The following CAP2 variants were observed in gnomAD, a reference collection of about 807,000 sequenced individuals.
The protein encoded by CAP2 is cyclase associated actin cytoskeleton regulatory protein 2, also known as adenylyl cyclase-associated protein 2.
In CAP2, 24 loss-of-function variants were observed where a neutral mutation model predicts 57.7. The ratio of observed to expected loss-of-function variants is 0.42; its 90% CI spans 0.30 to 0.58. The LOEUF is 0.58. CAP2 is among the 20% of genes least tolerant of loss of function. The pLI is 0.22. For synonymous variants in CAP2, 194 were observed against 207.2 expected (o/e 0.94, Z 0.55); for missense variants, 501 against 590.3 (o/e 0.85, Z 1.57).
intron 4 of CAP2, among the ~76,000 whole-genome samples, chr6:17,479,737 G>A (rs983417768): frequency 6.7e-6 from 1 of 148,262 alleles, no homozygotes; most frequent in African/African-American, 2.5e-5. Flanking sequence ...TCAGCCTCCC[G>A]AGTAGCTGGG....
intron 3 of CAP2, among the ~76,000 whole-genome samples, chr6:17,453,830 T>G (rs1760475432): frequency 6.6e-6 from 1 of 152,138 alleles, no homozygotes; most frequent in Non-Finnish European, 1.5e-5. Context: ...GATTGCTTTT[T>G]TGGAGAGGCG....
chr6:17,412,378 A>G (rs970686551), intron 1 of CAP2, among the ~76,000 whole-genome samples: 2 of 152,184 alleles, frequency 1.3e-5, no homozygotes, highest in African/African-American at 4.8e-5. Flanking sequence ...CTGAATGAGG[A>G]AGAAGGAATG....
At chr6:17,474,963 G>C (rs544589118) in intron 4 of CAP2, among the ~76,000 whole-genome samples, 1 of 152,074 alleles carries the variant, frequency 6.6e-6, no homozygotes, top group Non-Finnish European at 1.5e-5. Context: ...TTGGGAGGCC[G>C]AGGCGGGCGG....
intron 3 of CAP2, among the ~76,000 whole-genome samples, chr6:17,451,569 G>A (rs143554021): frequency 0.016 from 2,489 of 152,064 alleles, 23 homozygotes; most frequent in Middle Eastern, 0.037. Flanking sequence ...GAGTGCAGTG[G>A]TGTGATCTCT....
At chr6:17,542,229 C>A (rs1301969916) in intron 9 of CAP2, among the ~76,000 whole-genome samples, 6 of 152,216 alleles carry the variant, frequency 3.9e-5, no homozygotes, top group Non-Finnish European at 1.5e-5. Flanking sequence ...AGTCTGTGCC[C>A]CACTCTGATG....
intron 3 of CAP2, among the ~76,000 whole-genome samples, chr6:17,448,283 G>C (rs752948620): frequency 6.6e-6 from 1 of 152,206 alleles, no homozygotes; most frequent in Non-Finnish European, 1.5e-5. Flanking sequence ...GGATTTGCTG[G>C]TTCTCTAAGT....
intron 7 of CAP2, among the ~76,000 whole-genome samples, chr6:17,537,573 A>G (rs1255409883): frequency 6.6e-6 from 1 of 152,008 alleles, no homozygotes; most frequent in Non-Finnish European, 1.5e-5. Context: ...ACTGCATAAT[A>G]CTAAATTGTT....
intron 7 of CAP2, among the ~76,000 whole-genome samples, chr6:17,524,772 C>A (rs1488030947): frequency 1.3e-5 from 2 of 152,138 alleles, no homozygotes; most frequent in Non-Finnish European, 2.9e-5. Context: ...ACCTCTTTCC[C>A]CCATTGCAGC....
intron 3 of CAP2, among the ~76,000 whole-genome samples, chr6:17,454,254 G>A (rs149270987): frequency 1.3e-5 from 2 of 152,106 alleles, no homozygotes; most frequent in East Asian, 1.9e-4. Flanking sequence ...GGAGACCACC[G>A]TGACTGGAGC....
intron 3 of CAP2, among the ~76,000 whole-genome samples, chr6:17,451,726 T>C (rs1445723419): frequency 1.3e-5 from 2 of 152,102 alleles, no homozygotes; most frequent in East Asian, 1.9e-4. Context: ...ACCAGGCTGC[T>C]CTCAAACTCC....
At chr6:17,474,185 C>CTTT (rs544909381) in intron 4 of CAP2, among the ~76,000 whole-genome samples, 88 of 93,198 alleles carry the variant, frequency 9.4e-4, no homozygotes, top group South Asian at 2.0e-3. Context: ...AAAAAACAGT[C>CTTT]TTTTTTTTTT....
intron 3 of CAP2, among the ~76,000 whole-genome samples, chr6:17,457,894 T>G (rs1760618159): frequency 6.6e-6 from 1 of 152,250 alleles, no homozygotes; most frequent in African/African-American, 2.4e-5. Flanking sequence ...CAATTTTAAC[T>G]GCAGAAGTCA....
chr6:17,415,039 A>G (rs1759239334), intron 1 of CAP2, among the ~76,000 whole-genome samples: 1 of 152,182 alleles, frequency 6.6e-6, no homozygotes, highest in Non-Finnish European at 1.5e-5. Flanking sequence ...TTTCTTGGCC[A>G]CGTAAATGTC....
At chr6:17,525,462 C>T (rs1331033973) in intron 7 of CAP2, among the ~76,000 whole-genome samples, 1 of 140,108 alleles carries the variant, frequency 7.1e-6, no homozygotes, top group Non-Finnish European at 1.5e-5. Flanking sequence ...GAGCAAGATT[C>T]CATCTCAAAA....
intron 3 of CAP2, among the ~76,000 whole-genome samples, chr6:17,430,417 A>G (rs1363396803): frequency 2.0e-5 from 3 of 152,350 alleles, no homozygotes; most frequent in Non-Finnish European, 1.5e-5. Flanking sequence ...TGATTTTATA[A>G]TAGATATTGG....
At position 17,543,071 on chromosome 6, in the gene CAP2, A is replaced by G. The variant is rs9256; in HGVS notation, c.1137A>G (p.Lys379=). Residue 379 remains lysine (K), a synonymous_variant, in exon 11 of 13, where the codon AAA becomes AAG. Coordinates refer to ENST00000229922, the MANE Select transcript of CAP2 (RefSeq NM_006366.3). The stretch of plus-strand genomic sequence containing the variant: ...TTTTTCTCCCCACAGACAACTGTAA[A>G]AAACTCGGCCTGGTGTTTGACAATG... ...KVNSIIIDNC[K]KLGLVFDNVV... is the part of the protein sequence containing the mutation. 1,020,637 of 1,612,540 alleles carry G rather than the reference A, an allele frequency of 0.63. 324,777 individuals are homozygous for G. Among genetic ancestry groups the G allele is most frequent in the East Asian group, 0.73 (32,931 of 44,874 alleles).
intron 1 of CAP2, among the ~76,000 whole-genome samples, chr6:17,407,535 T>G (rs1466144227): frequency 6.6e-6 from 1 of 150,526 alleles, no homozygotes; most frequent in Non-Finnish European, 1.5e-5. Flanking sequence ...CCAGCACTTT[T>G]GGAGGCCAAG....
chr6:17,424,642 A>T (rs1759536714), intron 2 of CAP2, among the ~76,000 whole-genome samples: 1 of 152,178 alleles, frequency 6.6e-6, no homozygotes, highest in South Asian at 2.1e-4. Flanking sequence ...CACAGTCCTA[A>T]TGCTCCAGAA....
At position 17,479,802 on chromosome 6, in the gene CAP2, A is replaced by G. The variant is rs193274093; in HGVS notation, c.300+16729A>G. 4.7e-4 allele frequency among the ~76,000 whole-genome samples: 71 copies of G among 151,740 alleles called. 1 individual carries two copies. In the East Asian group the frequency reaches 0.013, roughly 28 times the overall value. On this transcript the variant is annotated intron_variant, in intron 4 of 12. Coordinates refer to ENST00000229922, the MANE Select transcript of CAP2 (RefSeq NM_006366.3). ...AATTTTTTGTATTTTTTTTTAGTAG[A>G]CATGGGGTTTCACCATGTTAGCCAG...
Sources: gnomAD v4.1 joint callset for allele counts (sites outside exome capture counted in the v4.1 genomes callset) on GRCh38, gnomAD v4.1.1 for gene constraint, MANE v1.5 for transcripts, NCBI Gene and HGNC (gene_info 2026-07-23, HGNC 2026-07-21) for gene names.